The following ZPR1 variants were observed in gnomAD, a reference collection of about 807,000 sequenced individuals.
ZPR1 encodes zinc finger protein ZPR1.
In ZPR1, 37 loss-of-function variants were observed where a neutral mutation model predicts 59.6. The observed-to-expected ratio is 0.62, with a 90% confidence interval of 0.48 to 0.82. The LOEUF (loss-of-function observed/expected upper bound fraction) is 0.82. ZPR1 is among the 40% of genes least tolerant of loss of function. ZPR1 has a pLI of 0.00. For synonymous variants in ZPR1, 191 were observed against 215.2 expected, an observed-to-expected ratio of 0.89 and a Z score of 0.99; for missense variants, 527 against 579.9, an observed-to-expected ratio of 0.91 and a Z score of 0.94.
At chr11:116,780,744 C>G (rs1197073397) in intron 12 of ZPR1, among the ~76,000 whole-genome samples, 1 of 152,142 alleles carries the variant, frequency 6.6e-6, no homozygotes, top group Non-Finnish European at 1.5e-5. Flanking sequence ...GTAATAAGCC[C>G]CATGTCAACA....
At chr11:116,787,715 G>A (rs1940911259) in intron 1 of ZPR1, 72 bp from the exon 2 acceptor site, 2 of 1,546,088 alleles carry the variant, frequency 1.3e-6, no homozygotes, top group Non-Finnish European at 1.8e-6. Flanking sequence ...ATCTCCGGGC[G>A]CTCCTCGGGG....
At chr11:116,787,350 T>G in intron 2 of ZPR1, 132 bp downstream of exon 2, 1 of 987,736 alleles carries the variant, frequency 1.0e-6, no homozygotes, top group Middle Eastern at 2.2e-4. Flanking sequence ...ACCAGTACCA[T>G]TTTACAAAAG....
chr11:116,785,518 A>G lies in ZPR1; in HGVS notation c.701T>C (p.Leu234Pro). The change falls in exon 6 of 14, where the codon CTT becomes CCT. Residue 234 changes from leucine to proline, a missense_variant. Coordinates refer to ENST00000227322, the MANE Select transcript of ZPR1 (RefSeq NM_003904.5). ...TGGATCCTTCAGTCCACTTACTTGA[A>G]GCCCCAGCATCTCTTCCTGCTGTCG... ...RTRQQEEMLG[L>P]QEEAPAEKPE... 1 of 1,613,866 alleles carries G rather than the reference A, an allele frequency of 6.2e-7. No homozygotes were observed. The highest frequency in any genetic ancestry group is 8.5e-7 in the Non-Finnish European group (1 of 1,179,962).
chr11:116,782,301 G>C (rs1284612711), intron 11 of ZPR1, 57 bp from the exon 12 acceptor site: 1 of 1,496,592 alleles, frequency 6.7e-7, no homozygotes, highest in African/African-American at 1.4e-5. Flanking sequence ...TGTTAGGCCT[G>C]ACCATAAACT....
At chr11:116,779,253 G>A (rs1229178026) in intron 13 of ZPR1, among the ~76,000 whole-genome samples, 194 bp from the exon 14 acceptor site, 2 of 152,208 alleles carry the variant, frequency 1.3e-5, no homozygotes, top group Non-Finnish European at 2.9e-5. Context: ...GAAGACCCCA[G>A]CCCCAGAATC....
chr11:116,787,636 G>C lies in ZPR1; in HGVS notation c.179C>G (p.Thr60Arg). The C allele has an allele frequency of 6.2e-7, 1 of 1,610,484 alleles. No homozygotes were observed. Among genetic ancestry groups the C allele is most frequent in the Non-Finnish European group, 8.5e-7 (1 of 1,176,972 alleles). The change falls in exon 2 of 14, where the codon ACG (threonine) becomes AGG (arginine). Residue 60 changes from threonine (T) to arginine (R), a missense_variant. By Grantham distance (71) the Thr-to-Arg change is moderately conservative (BLOSUM62 -1). Transcript: ENST00000227322. ...LCMNCYCNGMTRLLLTKIPFF... is the reference protein window; with the variant it reads ...LCMNCYCNGMRRLLLTKIPFF... ...GGGAATCTTGGTGAGCAGGAGGCGC[G>C]TCATGCCCTGGTGAAGTAGAAAGTA...
chr11:116,780,893 G>C (rs1041949703), intron 12 of ZPR1, among the ~76,000 whole-genome samples: 1 of 152,116 alleles, frequency 6.6e-6, no homozygotes, highest in African/African-American at 2.4e-5. Context: ...AGAATAAAAT[G>C]TCAAAAAAGA....
intron 9 of ZPR1, 58 bp from the exon 10 acceptor site, chr11:116,783,677 A>C: frequency 2.8e-6 from 4 of 1,418,012 alleles, no homozygotes; most frequent in Non-Finnish European, 4.0e-6. Context: ...CTTGGTACCC[A>C]GGAGACCTGG....
At chr11:116,780,952 T>A (rs1295768069) in intron 12 of ZPR1, among the ~76,000 whole-genome samples, 1 of 151,946 alleles carries the variant, frequency 6.6e-6, no homozygotes, top group East Asian at 1.9e-4. Flanking sequence ...GCTGAAAAAA[T>A]TTAAAAAATA....
intron 12 of ZPR1, 146 bp downstream of exon 12, chr11:116,782,012 C>CA (rs372842114): frequency 0.13 from 65,649 of 489,548 alleles, 1 homozygote; most frequent in East Asian, 0.16. Flanking sequence ...ACTCTGTCTC[C>CA]AAAAAAAAAA....
At chr11:116,783,400 T>G in intron 10 of ZPR1, 130 bp downstream of exon 10, 1 of 738,272 alleles carries the variant, frequency 1.4e-6, no homozygotes. Flanking sequence ...TGCTCAGGGG[T>G]CCTCAAAGCC....
intron 12 of ZPR1, among the ~76,000 whole-genome samples, chr11:116,781,386 C>T (rs1310098540): frequency 1.3e-5 from 2 of 152,022 alleles, no homozygotes; most frequent in East Asian, 1.9e-4. Flanking sequence ...TCAAAGGAAA[C>T]GAAGAGATCA....
chr11:116,787,813 G>T lies in ZPR1; in HGVS notation c.171+7C>A. On this transcript the variant is annotated splice_region_variant and intron_variant, in intron 1 of 13. Coordinates refer to ENST00000227322, the MANE Select transcript of ZPR1 (RefSeq NM_003904.5). ...ACCCGCCGCTCGCGGCCGCGCCCCC[G>T]CCTCACATTGCAGTAACAGTTCATG... 6.4e-7 allele frequency: 1 copy of T among 1,551,014 alleles called. No individual in the cohort carries two copies. The highest frequency in any genetic ancestry group is 8.7e-7 in the Non-Finnish European group (1 of 1,148,740).
At chr11:116,781,635 A>G (rs12274192) in intron 12 of ZPR1, among the ~76,000 whole-genome samples, 16,521 of 152,266 alleles carry the variant, frequency 0.11, 1,208 homozygotes, top group African/African-American at 0.2. Flanking sequence ...TTTATTTCCC[A>G]TGCACTTTTT....
At position 116,782,956 on chromosome 11, in the gene ZPR1, G is replaced by A. The variant is rs750035629; in HGVS notation, c.1055C>T (p.Thr352Ile). ...GTCTTTCAGCAGCCCTTCCAGTGTG[G>A]TGAACTTGCCCCCGAGGACTGCCAT... Reference protein sequence around the residue: ...LGMAVLGGKFTTLEGLLKDIR... With the variant: ...LGMAVLGGKFITLEGLLKDIR... The change falls in exon 11 of 14, where the codon ACC becomes ATC. Residue 352 changes from threonine (T) to isoleucine (I), a missense_variant. Thr to Ile is a moderately conservative substitution (Grantham distance 89, BLOSUM62 -1). Transcript: ENST00000227322. 14 of 1,614,168 alleles carry A rather than the reference G, an allele frequency of 8.7e-6. No individual in the cohort carries two copies. The East Asian group carries it at 1.8e-4, about 21-fold the overall frequency.
At chr11:116,787,112 T>G in intron 2 of ZPR1, 53 bp from the exon 3 acceptor site, 1 of 1,489,982 alleles carries the variant, frequency 6.7e-7, no homozygotes, top group Admixed American at 1.7e-5. Flanking sequence ...CAGCTTCTCC[T>G]CAAGTAATAA....
At chr11:116,780,137 C>A (rs867996356) in intron 12 of ZPR1, among the ~76,000 whole-genome samples, 1 of 150,482 alleles carries the variant, frequency 6.6e-6, no homozygotes, top group African/African-American at 2.4e-5. Flanking sequence ...AAGAACCAAC[C>A]CAATTTATAT....
rs1288084659 is a variant in ZPR1, at chr11:116,775,439, C to G, written c.*3486G>C. 7.5e-6 allele frequency: 1 copy of G among 132,996 alleles called. No individual in the cohort carries two copies. The highest frequency in any genetic ancestry group is 1.5e-5 in the Non-Finnish European group (1 of 64,530). The allele number at this position is 132,996 out of a possible 1,614,324, so 8.2% of individuals were successfully genotyped here. On this transcript the variant is annotated 3_prime_UTR_variant, in exon 14 of 14. Coordinates refer to ENST00000227322, the MANE Select transcript of ZPR1 (RefSeq NM_003904.5). ...CACCACTGCACTCCATCCTGGGTGA[C>G]AGAGCAAGACTGTCTCCAAAAAAAA... is the stretch of plus-strand genomic sequence containing the variant.
In ZPR1 at chr11:116,777,872, T is replaced by C. The variant is rs1565319252; in HGVS notation, c.*1053A>G. ...AGCAGAGTGTTCACTGGTCCTTAACTTTCAGAAGAACTGCAGAGAGCCTCC... is the reference window on the plus strand; with the variant it reads ...AGCAGAGTGTTCACTGGTCCTTAACCTTCAGAAGAACTGCAGAGAGCCTCC... On this transcript the variant is annotated 3_prime_UTR_variant, in exon 14 of 14. Transcript: ENST00000227322. 1 of 152,206 alleles carries C rather than the reference T, an allele frequency of 6.6e-6. No homozygotes were observed. Among genetic ancestry groups the C allele is most frequent in the Non-Finnish European group, 1.5e-5 (1 of 68,036 alleles). The allele number at this position is 152,206 out of a possible 1,614,324, so 9.4% of individuals were successfully genotyped here.
Sources: gnomAD v4.1 joint callset for allele counts (sites outside exome capture counted in the v4.1 genomes callset) on GRCh38, gnomAD v4.1.1 for gene constraint, MANE v1.5 for transcripts, NCBI Gene and HGNC (gene_info 2026-07-23, HGNC 2026-07-21) for gene names.